Variants in CACNA2D3 observed in about 807,000 individuals in gnomAD.
CACNA2D3 encodes the protein calcium voltage-gated channel auxiliary subunit alpha2delta 3.
Under a neutral mutation model 160.6 loss-of-function variants are expected in CACNA2D3, and 60 were observed. The ratio of observed to expected loss-of-function variants is 0.37; its 90% CI spans 0.30 to 0.46. CACNA2D3 has a LOEUF of 0.46. CACNA2D3 is among the 20% of genes least tolerant of loss of function. The pLI, the probability that CACNA2D3 is intolerant of heterozygous loss-of-function variation, is 1.00. For missense variants in CACNA2D3, 1,205 were observed against 1,365.0 expected (o/e 0.88, Z 1.85); for synonymous variants, 558 against 492.9 (o/e 1.13, Z -1.75).
At chr3:54,510,711 G>A (rs1701446085) in intron 5 of CACNA2D3, among the ~76,000 whole-genome samples, 1 of 152,128 alleles carries the variant, frequency 6.6e-6, no homozygotes, top group Non-Finnish European at 1.5e-5. Flanking sequence ...CAGCATGGTG[G>A]ACTAGAAAGG....
intron 13 of CACNA2D3, among the ~76,000 whole-genome samples, chr3:54,808,771 C>G (rs1703203192): frequency 6.6e-6 from 1 of 152,148 alleles, no homozygotes; most frequent in South Asian, 2.1e-4. Flanking sequence ...TGCTCAGACC[C>G]TATCATTTCT....
intron 11 of CACNA2D3, among the ~76,000 whole-genome samples, chr3:54,661,998 A>T (rs1212807873): frequency 6.6e-6 from 1 of 152,070 alleles, no homozygotes; most frequent in Non-Finnish European, 1.5e-5. Flanking sequence ...CCTTAATGAC[A>T]CCATCTTATA....
intron 3 of CACNA2D3, among the ~76,000 whole-genome samples, chr3:54,376,700 T>TCAG (rs942365911): frequency 2.6e-5 from 4 of 151,752 alleles, no homozygotes; most frequent in African/African-American, 9.7e-5. Context: ...ATCATCATCA[T>TCAG]CAGCAGCAGC....
At chr3:54,616,202 G>C (rs1698846302) in intron 9 of CACNA2D3, among the ~76,000 whole-genome samples, 1 of 152,200 alleles carries the variant, frequency 6.6e-6, no homozygotes, top group African/African-American at 2.4e-5. Context: ...TCTGGCTCAG[G>C]GTCTCTAGTG....
chr3:54,960,787 A>G (rs554758586), intron 27 of CACNA2D3, among the ~76,000 whole-genome samples: 4 of 152,318 alleles, frequency 2.6e-5, no homozygotes, highest in African/African-American at 9.6e-5. Flanking sequence ...ACATTCCATC[A>G]TGCAATTCAT....
At chr3:54,414,982 T>C (rs1339498785) in intron 4 of CACNA2D3, among the ~76,000 whole-genome samples, 1 of 152,154 alleles carries the variant, frequency 6.6e-6, no homozygotes, top group Non-Finnish European at 1.5e-5. Context: ...TTATTGTTTT[T>C]ACATACACAG....
At chr3:55,025,083 G>T (rs1461765337) in intron 35 of CACNA2D3, among the ~76,000 whole-genome samples, 1 of 152,188 alleles carries the variant, frequency 6.6e-6, no homozygotes, top group East Asian at 1.9e-4. Context: ...GCGAGTTAGG[G>T]TTCTTATTTC....
intron 14 of CACNA2D3, among the ~76,000 whole-genome samples, chr3:54,821,641 GTTCT>G (rs1181056443): frequency 0.032 from 3,459 of 107,732 alleles, 86 homozygotes; most frequent in East Asian, 0.067. Context: ...AGAGTCTTTC[GTTCT>G]TTCTTTCTTT....
intron 17 of CACNA2D3, among the ~76,000 whole-genome samples, chr3:54,871,075 CA>C: frequency 1.1e-5 from 1 of 87,648 alleles, no homozygotes; most frequent in Non-Finnish European, 2.3e-5. Context: ...CACACACACA[CA>C]CACACACACA....
chr3:54,908,898 C>T (rs1303534225), intron 27 of CACNA2D3, among the ~76,000 whole-genome samples: 1 of 152,168 alleles, frequency 6.6e-6, no homozygotes, highest in African/African-American at 2.4e-5. Context: ...ATATCCACTA[C>T]CTGCTCCTTC....
intron 11 of CACNA2D3, among the ~76,000 whole-genome samples, chr3:54,747,040 G>A (rs918805748): frequency 1.2e-4 from 18 of 152,092 alleles, no homozygotes; most frequent in Non-Finnish European, 2.4e-4. Context: ...ACTCCTTAAA[G>A]TTTTGCCTCA....
At position 55,031,489 on chromosome 3, in the gene CACNA2D3, G is replaced by A. The variant is rs539699386; in HGVS notation, c.2987+13172G>A. 3.3e-5 allele frequency among the ~76,000 whole-genome samples: 5 copies of A among 152,298 alleles called. No homozygotes were observed. In the South Asian group the frequency reaches 1.0e-3, roughly 32 times the overall value. On this transcript the variant is annotated intron_variant, in intron 35 of 37. Coordinates refer to ENST00000474759, the MANE Select transcript of CACNA2D3 (RefSeq NM_018398.3). ...GCAGCATGTTGAATATAGATACAAA[G>A]TTTCTAGACCCAAACCACTTTTTCA...
chr3:54,500,519 TCCTTCCTTCCTTC>T (rs1254229145), intron 4 of CACNA2D3, among the ~76,000 whole-genome samples: 6 of 57,880 alleles, frequency 1.0e-4, no homozygotes, highest in Non-Finnish European at 1.9e-4. Context: ...CTTCCTTCCT[TCCTTCCTTCCTTC>T]CTTCCTTCCT....
intron 12 of CACNA2D3, among the ~76,000 whole-genome samples, chr3:54,754,616 C>T (rs1701937092): frequency 6.6e-6 from 1 of 152,154 alleles, no homozygotes; most frequent in Non-Finnish European, 1.5e-5. Flanking sequence ...AGAGTGGGTG[C>T]TCCTTTGATG....
chr3:54,254,774 GAT>G (rs944299668), intron 2 of CACNA2D3, among the ~76,000 whole-genome samples: 4 of 152,222 alleles, frequency 2.6e-5, no homozygotes, highest in African/African-American at 9.6e-5. Flanking sequence ...CAACAAGGAA[GAT>G]ATGGGAAAAT....
chr3:54,774,710 C>T (rs1312314878), intron 13 of CACNA2D3, among the ~76,000 whole-genome samples: 1 of 146,090 alleles, frequency 6.8e-6, no homozygotes, highest in Non-Finnish European at 1.5e-5. Context: ...TCTTGGCTCA[C>T]TGCAACTTCT....
intron 10 of CACNA2D3, among the ~76,000 whole-genome samples, chr3:54,635,452 A>G (rs1255687272): frequency 1.3e-5 from 2 of 151,938 alleles, no homozygotes; most frequent in African/African-American, 4.9e-5. Flanking sequence ...AGTAGTTGAG[A>G]ATGGAAAATA....
chr3:54,684,700 G>T (rs781227215), intron 11 of CACNA2D3, among the ~76,000 whole-genome samples: 1 of 152,060 alleles, frequency 6.6e-6, no homozygotes, highest in Non-Finnish European at 1.5e-5. Context: ...CATTTCCTGA[G>T]AAGCCCAGGA....
intron 5 of CACNA2D3, among the ~76,000 whole-genome samples, chr3:54,559,597 C>A (rs957168940): frequency 6.6e-6 from 1 of 152,136 alleles, no homozygotes; most frequent in Non-Finnish European, 1.5e-5. Flanking sequence ...CTGGCTTCAA[C>A]TTTTATTTTT....
Sources: allele counts gnomAD v4.1 joint callset (sites outside exome capture counted in the v4.1 genomes callset), GRCh38; gene constraint gnomAD v4.1.1; transcripts MANE v1.5; gene names NCBI Gene and HGNC (gene_info 2026-07-23, HGNC 2026-07-21).